Variants in PDE4D observed in about 807,000 individuals in gnomAD.
PDE4D encodes phosphodiesterase 4D.
Under a neutral mutation model 87.4 loss-of-function variants are expected in PDE4D, and 24 were observed. The observed-to-expected ratio is 0.27, with a 90% CI of 0.20 to 0.39. The LOEUF (loss-of-function observed/expected upper bound fraction) is 0.39, where lower values mean the gene tolerates loss of function less well. Among genes scored for constraint, PDE4D ranks in the 10% least tolerant of loss-of-function variants. PDE4D has a pLI of 1.00. For synonymous variants in PDE4D, 384 were observed against 383.2 expected, an observed-to-expected ratio of 1.00 and a Z score of -0.02; for missense variants, 714 against 1,041.0, an observed-to-expected ratio of 0.69 and a Z score of 4.32.
intron 1 of PDE4D, among the ~76,000 whole-genome samples, chr5:60,237,929 G>A (rs761465666): frequency 5.9e-5 from 9 of 151,934 alleles, no homozygotes; most frequent in East Asian, 3.9e-4. Context: ...AAACAATTCC[G>A]TTAGATTTGA....
chr5:59,407,600 A>G (rs930591694), intron 1 of PDE4D, among the ~76,000 whole-genome samples: 2 of 152,222 alleles, frequency 1.3e-5, no homozygotes, highest in African/African-American at 4.8e-5. Flanking sequence ...AACTTGGTAG[A>G]GACTGATTAA....
At chr5:60,295,087 A>C (rs1753255818) in intron 1 of PDE4D, among the ~76,000 whole-genome samples, 1 of 152,126 alleles carries the variant, frequency 6.6e-6, no homozygotes, top group Non-Finnish European at 1.5e-5. Flanking sequence ...TATTTCATTA[A>C]ATTTGCTACT....
chr5:60,247,919 A>G (rs1315714592), intron 1 of PDE4D, among the ~76,000 whole-genome samples: 1 of 152,056 alleles, frequency 6.6e-6, no homozygotes, highest in Non-Finnish European at 1.5e-5. Flanking sequence ...AAAACCTTTG[A>G]CCCACAGGGT....
chr5:59,395,386 T>A (rs1306258409), intron 1 of PDE4D, among the ~76,000 whole-genome samples: 8 of 152,178 alleles, frequency 5.3e-5, no homozygotes, highest in African/African-American at 1.9e-4. Flanking sequence ...CAGCTGGAGA[T>A]CTGAGAACTG....
chr5:59,545,206 A>C (rs1489585419), intron 1 of PDE4D, among the ~76,000 whole-genome samples: 1 of 152,164 alleles, frequency 6.6e-6, no homozygotes, highest in Non-Finnish European at 1.5e-5. Context: ...CATATTATTC[A>C]TCTTTTCATC....
chr5:59,465,579 TTGTC>T (rs1801471528), intron 1 of PDE4D, among the ~76,000 whole-genome samples: 2 of 152,148 alleles, frequency 1.3e-5, no homozygotes, highest in African/African-American at 4.8e-5. Context: ...AAAGTTGGAG[TTGTC>T]TGTTTCTTCT....
At chr5:59,392,765 C>A (rs1788505425) in intron 1 of PDE4D, among the ~76,000 whole-genome samples, 1 of 152,076 alleles carries the variant, frequency 6.6e-6, no homozygotes, top group Non-Finnish European at 1.5e-5. Flanking sequence ...TAGCTCCTGG[C>A]TCCTGCAGAT....
intron 1 of PDE4D, among the ~76,000 whole-genome samples, chr5:59,377,103 T>C (rs1784857782): frequency 6.6e-6 from 1 of 152,102 alleles, no homozygotes; most frequent in African/African-American, 2.4e-5. Flanking sequence ...CAATACCATC[T>C]TGGACACAGG....
chr5:59,430,358 C>G (rs1173041911), intron 1 of PDE4D: 1 of 1,231,300 alleles, frequency 8.1e-7, no homozygotes, highest in African/African-American at 1.6e-5. Context: ...TGAACATAAG[C>G]GCTTCGGAAT....
intron 1 of PDE4D, among the ~76,000 whole-genome samples, chr5:59,410,110 T>A (rs1792387821): frequency 6.6e-6 from 1 of 152,230 alleles, no homozygotes; most frequent in African/African-American, 2.4e-5. Flanking sequence ...CTTTTAAATA[T>A]GCAATAAATT....
At chr5:60,092,980 G>A (rs1379357606) in intron 2 of PDE4D, among the ~76,000 whole-genome samples, 1 of 152,176 alleles carries the variant, frequency 6.6e-6, no homozygotes, top group Non-Finnish European at 1.5e-5. Context: ...TACGATTCCA[G>A]TCTTACCACA....
chr5:59,269,144 C>G (rs1032978067), intron 1 of PDE4D, among the ~76,000 whole-genome samples: 1 of 151,876 alleles, frequency 6.6e-6, no homozygotes, highest in African/African-American at 2.4e-5. Context: ...TATTATTGCA[C>G]ACATAACCAC....
intron 1 of PDE4D, among the ~76,000 whole-genome samples, chr5:60,494,305 T>C (rs1250788741): frequency 6.6e-6 from 1 of 152,190 alleles, no homozygotes; most frequent in Non-Finnish European, 1.5e-5. Context: ...TATCTCCCTC[T>C]TCCCCCTCTG....
chr5:59,344,709 T>A (rs1779341540), intron 1 of PDE4D, among the ~76,000 whole-genome samples: 1 of 152,172 alleles, frequency 6.6e-6, no homozygotes, highest in Non-Finnish European at 1.5e-5. Flanking sequence ...CGTATGCTTT[T>A]TCAAATTTCA....
At chr5:59,079,841 AGAGGAGG>A (rs1766376757) in intron 5 of PDE4D, among the ~76,000 whole-genome samples, 1 of 101,732 alleles carries the variant, frequency 9.8e-6, no homozygotes, top group African/African-American at 4.5e-5. Flanking sequence ...AAAGGAGGGG[AGAGGAGG>A]GGAGAGGAGA....
At chr5:59,876,071 G>T (rs1748561341) in intron 1 of PDE4D, among the ~76,000 whole-genome samples, 1 of 152,072 alleles carries the variant, frequency 6.6e-6, no homozygotes, top group South Asian at 2.1e-4. Context: ...ACACATGTTT[G>T]CCTATGTAAC....
intron 1 of PDE4D, among the ~76,000 whole-genome samples, chr5:60,377,117 G>A (rs1761490526): frequency 6.6e-6 from 1 of 152,166 alleles, no homozygotes; most frequent in African/African-American, 2.4e-5. Flanking sequence ...TTGTCCATGT[G>A]CCTCCTGTGA....
chr5:60,071,098 T>A (rs1772666481), intron 2 of PDE4D, among the ~76,000 whole-genome samples: 1 of 152,010 alleles, frequency 6.6e-6, no homozygotes, highest in Non-Finnish European at 1.5e-5. Flanking sequence ...CTTAAGGTTT[T>A]ACCAATTTAG....
intron 1 of PDE4D, among the ~76,000 whole-genome samples, chr5:59,807,287 G>A (rs931322927): frequency 2.0e-5 from 3 of 152,128 alleles, no homozygotes; most frequent in South Asian, 2.1e-4. Flanking sequence ...ATATGGTCAC[G>A]CAGAGCCCCA....
Sources: gnomAD v4.1 joint callset for allele counts (sites outside exome capture counted in the v4.1 genomes callset) on GRCh38, gnomAD v4.1.1 for gene constraint, MANE v1.5 for transcripts, NCBI Gene and HGNC (gene_info 2026-07-23, HGNC 2026-07-21) for gene names.